The following DENND4C variants were observed in gnomAD, a reference collection of about 807,000 sequenced individuals.
The protein encoded by DENND4C is DENN domain-containing protein 4C.
DENND4C carries 108 observed loss-of-function variants against 203.0 expected under a neutral mutation model. The ratio of observed to expected loss-of-function variants is 0.53; its 90% CI spans 0.46 to 0.62. The LOEUF is 0.62. Ranked by LOEUF, DENND4C falls within the 20% of genes least tolerant of loss-of-function variation. The pLI, the probability that DENND4C is intolerant of heterozygous loss-of-function variation, is 0.00. For missense variants in DENND4C, 2,481 were observed against 2,301.2 expected (o/e 1.08, Z -1.60); for synonymous variants, 871 against 792.4 (o/e 1.10, Z -1.67).
intron 1 of DENND4C, among the ~76,000 whole-genome samples, chr9:19,261,145 A>G (rs921734367): frequency 1.3e-5 from 2 of 151,874 alleles, no homozygotes; most frequent in Non-Finnish European, 2.9e-5. Context: ...TGTTCCTACC[A>G]CCTTTGTCAA....
chr9:19,287,323 A>G (rs551840761), intron 3 of DENND4C, among the ~76,000 whole-genome samples: 1 of 152,330 alleles, frequency 6.6e-6, no homozygotes, highest in African/African-American at 2.4e-5. Flanking sequence ...CTGTGGGGTT[A>G]GAGTGGGTAG....
chr9:19,271,201 C>CCTTTTTTTTTTT (rs1564105379), intron 1 of DENND4C, among the ~76,000 whole-genome samples: 3 of 129,082 alleles, frequency 2.3e-5, no homozygotes, highest in Non-Finnish European at 1.6e-5. Flanking sequence ...AATATGGATT[C>CCTTTTTTTTTTT]TTTTTTTTTT....
Position 19,315,567 on chromosome 9 carries a change from GTATA to G in DENND4C, c.1488-845_1488-842del, listed in dbSNP as rs1238636958. ...TATATACGTGTATATATGTATGTGT[GTATA>G]TATACGTGTACATATATGTATGTGT... On this transcript the variant is annotated intron_variant, in intron 10 of 32. Coordinates refer to ENST00000434457, the MANE Select transcript of DENND4C (RefSeq NM_001330640.2). 5.3e-5 allele frequency among the ~76,000 whole-genome samples: 8 copies of G among 150,530 alleles called. No homozygotes were observed. In the East Asian group the frequency reaches 1.2e-3, roughly 22 times the overall value.
chr9:19,334,356 C>A (rs1286326047), intron 17 of DENND4C, among the ~76,000 whole-genome samples: 3 of 151,868 alleles, frequency 2.0e-5, no homozygotes, highest in Non-Finnish European at 2.9e-5. Flanking sequence ...CGGCCTCTAT[C>A]CTTGATTTTA....
At chr9:19,240,300 C>G (rs1410270843) in intron 1 of DENND4C, among the ~76,000 whole-genome samples, 1 of 152,120 alleles carries the variant, frequency 6.6e-6, no homozygotes, top group African/African-American at 2.4e-5. Flanking sequence ...TGTACTGATA[C>G]TCTAGGCAGC....
At chr9:19,305,112 A>G (rs1839409068) in intron 9 of DENND4C, among the ~76,000 whole-genome samples, 1 of 152,122 alleles carries the variant, frequency 6.6e-6, no homozygotes, top group South Asian at 2.1e-4. Context: ...TTAACATGCA[A>G]AAAGCTGTTA....
intron 15 of DENND4C, among the ~76,000 whole-genome samples, 192 bp downstream of exon 15, chr9:19,326,386 T>A (rs1817836218): frequency 6.6e-6 from 1 of 152,166 alleles, no homozygotes; most frequent in African/African-American, 2.4e-5. Context: ...TGTCAGATGT[T>A]GATCATTGTT....
chr9:19,299,336 GC>G (rs780516133), intron 8 of DENND4C, 49 bp downstream of exon 8: 8 of 1,289,322 alleles, frequency 6.2e-6, no homozygotes, highest in Non-Finnish European at 7.5e-6. Flanking sequence ...GGAGCAGAAT[GC>G]TTTAAAATAT....
At position 19,366,989 on chromosome 9, in the gene DENND4C, T is replaced by G. The variant is rs75894541; in HGVS notation, c.5525-2848T>G. Reference sequence around the variant, plus strand: ...TGTACCCAGACTATGTAAAGTACTCTTACAACTCAGTAATAAAAAGGCAAC... The same window carrying G: ...TGTACCCAGACTATGTAAAGTACTCGTACAACTCAGTAATAAAAAGGCAAC... On this transcript the variant is annotated intron_variant, in intron 30 of 32. Coordinates refer to ENST00000434457, the MANE Select transcript of DENND4C (RefSeq NM_001330640.2). Among the ~76,000 whole-genome samples, 479 of 152,290 alleles carry G rather than the reference T, an allele frequency of 3.1e-3. 2 individuals carry two copies. The highest frequency in any genetic ancestry group is 0.01 in the African/African-American group (436 of 41,550).
Position 19,352,670 on chromosome 9 carries a change from G to T in DENND4C, c.4781+5G>T. 1 of 1,574,850 alleles carries T rather than the reference G, an allele frequency of 6.3e-7. No individual in the cohort carries two copies. The highest frequency in any genetic ancestry group is 8.6e-7 in the Non-Finnish European group (1 of 1,158,414). ...AGATTTGAGAGGTTCTGCAAGGTTAGTCTTATAAAAGCTCTCTCAAGAAGT... is the reference window on the plus strand; with the variant it reads ...AGATTTGAGAGGTTCTGCAAGGTTATTCTTATAAAAGCTCTCTCAAGAAGT... On this transcript the variant is annotated splice_donor_5th_base_variant and intron_variant, in intron 26 of 32. Coordinates refer to ENST00000434457, the MANE Select transcript of DENND4C (RefSeq NM_001330640.2).
At chr9:19,332,988 G>C (rs60360731) in intron 17 of DENND4C, among the ~76,000 whole-genome samples, 40,018 of 149,332 alleles carry the variant, frequency 0.27, 5,618 homozygotes, top group East Asian at 0.42. Context: ...TGTGTCCTAA[G>C]GTGAGTTATA....
chr9:19,275,583 G>T (rs1156965280), intron 1 of DENND4C, among the ~76,000 whole-genome samples: 1 of 152,060 alleles, frequency 6.6e-6, no homozygotes, highest in Non-Finnish European at 1.5e-5. Flanking sequence ...CGATTCTCCT[G>T]CCTCAGCCTC....
intron 16 of DENND4C, among the ~76,000 whole-genome samples, chr9:19,330,333 GTTTTTTTTTT>G (rs398010417): frequency 1.0e-5 from 1 of 97,120 alleles, no homozygotes; most frequent in Non-Finnish European, 1.9e-5. Context: ...TACCAAGTTG[GTTTTTTTTTT>G]TTTTTTTTTT....
intron 12 of DENND4C, among the ~76,000 whole-genome samples, chr9:19,322,403 T>C (rs990027426): frequency 6.6e-6 from 1 of 151,998 alleles, no homozygotes; most frequent in Non-Finnish European, 1.5e-5. Flanking sequence ...AAATGATGGA[T>C]ATAGCATGGA....
intron 17 of DENND4C, among the ~76,000 whole-genome samples, chr9:19,332,901 C>T (rs1025493064): frequency 1.3e-5 from 2 of 150,300 alleles, no homozygotes; most frequent in Non-Finnish European, 3.0e-5. Context: ...TGGCTGGCTT[C>T]ATTTTATTCT....
intron 1 of DENND4C, among the ~76,000 whole-genome samples, chr9:19,266,563 G>C (rs200476493): frequency 5.3e-5 from 8 of 152,090 alleles, no homozygotes; most frequent in African/African-American, 1.9e-4. Flanking sequence ...ATCATGCTAC[G>C]TGACTTCAAA....
At chr9:19,277,102 C>T (rs1833032221) in intron 2 of DENND4C, among the ~76,000 whole-genome samples, 1 of 152,036 alleles carries the variant, frequency 6.6e-6, no homozygotes, top group South Asian at 2.1e-4. Flanking sequence ...ATACCTATAA[C>T]ACTTTACCAT....
chr9:19,292,303 A>G (rs908730619), intron 5 of DENND4C: 3 of 151,508 alleles, frequency 2.0e-5, no homozygotes, highest in African/African-American at 7.3e-5. Flanking sequence ...GTCCTGGATT[A>G]TACAGGTATG....
chr9:19,309,762 G>A (rs188190799), intron 10 of DENND4C, among the ~76,000 whole-genome samples: 9 of 150,832 alleles, frequency 6.0e-5, no homozygotes, highest in Admixed American at 1.3e-4. Flanking sequence ...AATTGATATC[G>A]TAATTGTATA....
Sources: gnomAD v4.1 joint callset for allele counts (sites outside exome capture counted in the v4.1 genomes callset) on GRCh38, gnomAD v4.1.1 for gene constraint, MANE v1.5 for transcripts, NCBI Gene and HGNC (gene_info 2026-07-23, HGNC 2026-07-21) for gene names.